The following LGI2 variants were observed in gnomAD, a reference collection of about 807,000 sequenced individuals.
LGI2 encodes the protein leucine-rich repeat LGI family member 2.
In LGI2, 30 loss-of-function variants were observed where a neutral mutation model predicts 52.0. That is an observed-to-expected ratio of 0.58 (90% CI 0.43 to 0.78). The LOEUF (loss-of-function observed/expected upper bound fraction) is 0.78, where lower values mean the gene tolerates loss of function less well. Among genes scored for constraint, LGI2 ranks in the 30% least tolerant of loss-of-function variants. The pLI is 0.00. For synonymous variants in LGI2, 270 were observed against 271.8 expected, an observed-to-expected ratio of 0.99 and a Z score of 0.06; for missense variants, 573 against 692.5, an observed-to-expected ratio of 0.83 and a Z score of 1.94.
At position 25,001,936 on chromosome 4, in the gene LGI2, A is replaced by T. The variant is rs1725253042; in HGVS notation, c.*1515T>A. On this transcript the variant is annotated 3_prime_UTR_variant, in exon 8 of 8. Transcript: ENST00000382114. ...TGATCGTGCTACTTTCATGGCTAGG[A>T]ATGAAGTTGTTGGGTTTCTCTTTCA... 1 of 152,240 alleles carries T rather than the reference A, an allele frequency of 6.6e-6. No homozygotes were observed. Among genetic ancestry groups the T allele is most frequent in the African/African-American group, 2.4e-5 (1 of 41,462 alleles). 9.4% of individuals were successfully genotyped at this position (152,240 alleles called of 1,614,324 possible).
At position 25,019,154 on chromosome 4, in the gene LGI2, T is replaced by G; in HGVS notation, c.485+13A>C. On this transcript the variant is annotated intron_variant, in intron 5 of 7. Transcript: ENST00000382114. ...CAATGACAAACACACATAAACTAAA[T>G]TTCATTACTTACAGTTCAATCAGAG... 6.5e-7 allele frequency: 1 copy of G among 1,535,844 alleles called. No homozygotes were observed. The highest frequency in any genetic ancestry group is 9.0e-7 in the Non-Finnish European group (1 of 1,110,862).
chr4:25,020,571 T>A (rs1200727859), intron 4 of LGI2, among the ~76,000 whole-genome samples: 1 of 152,230 alleles, frequency 6.6e-6, no homozygotes, highest in Non-Finnish European at 1.5e-5. Flanking sequence ...ACGACTAACA[T>A]GTAAGCAATT....
At position 25,030,909 on chromosome 4, in the gene LGI2, G is replaced by A. The variant is rs1726326025; in HGVS notation, c.-216C>T. 6.2e-6 allele frequency: 1 copy of A among 162,540 alleles called. No homozygotes were observed. The highest frequency in any genetic ancestry group is 6.5e-5 in the Admixed American group (1 of 15,338). The allele number at this position is 162,540 out of a possible 1,614,324, so 10.1% of individuals were successfully genotyped here. On this transcript the variant is annotated 5_prime_UTR_variant, in exon 1 of 8. Transcript: ENST00000382114. ...CCCCCCCACCCGAGCCCGGGCTGCT[G>A]GGCGGCCGCCGCCGCTGCGCCCGCC... is the stretch of plus-strand genomic sequence containing the variant.
At chr4:25,024,451 C>T (rs576117480) in intron 4 of LGI2, among the ~76,000 whole-genome samples, 1 of 152,032 alleles carries the variant, frequency 6.6e-6, no homozygotes, top group Non-Finnish European at 1.5e-5. Context: ...GAGGCGGAGG[C>T]TGCAGTGAGC....
chr4:25,025,049 G>A (rs1437947197), intron 3 of LGI2, among the ~76,000 whole-genome samples, 158 bp from the exon 4 acceptor site: 3 of 152,224 alleles, frequency 2.0e-5, no homozygotes, highest in African/African-American at 7.2e-5. Flanking sequence ...CCATGTGGTA[G>A]CAGGATGTAT....
chr4:25,018,018 G>A lies in LGI2; in HGVS notation c.626C>T (p.Thr209Ile). The change falls in exon 6 of 8, where the codon ACC becomes ATC. Residue 209 changes from threonine to isoleucine, a missense_variant. Thr to Ile is a moderately conservative substitution (Grantham distance 89). Transcript: ENST00000382114. Reference protein sequence around the residue: ...EYQEKKLNDVTSFDYECTTTD... With the variant: ...EYQEKKLNDVISFDYECTTTD... ...AGTTGTGCATTCATAGTCAAAGCTG[G>A]TCACGTCATTTAGCTTCTTTTCCTG... The A allele has an allele frequency of 6.2e-7, 1 of 1,612,516 alleles. No homozygotes were observed. Among genetic ancestry groups the A allele is most frequent in the Non-Finnish European group, 8.5e-7 (1 of 1,179,604 alleles).
At chr4:25,010,761 G>A (rs896443837) in intron 7 of LGI2, among the ~76,000 whole-genome samples, 21 of 152,282 alleles carry the variant, frequency 1.4e-4, no homozygotes, top group African/African-American at 4.1e-4. Context: ...ACAGGCTCAC[G>A]GCCAACATCG....
At chr4:25,011,711 T>A (rs1312857108) in intron 7 of LGI2, among the ~76,000 whole-genome samples, 1 of 152,018 alleles carries the variant, frequency 6.6e-6, no homozygotes, top group Non-Finnish European at 1.5e-5. Context: ...AAATGAGGAG[T>A]CTTTCAAAGG....
chr4:25,018,268 A>C, intron 5 of LGI2, 110 bp from the exon 6 acceptor site: 1 of 723,786 alleles, frequency 1.4e-6, no homozygotes, highest in Non-Finnish European at 2.1e-6. Flanking sequence ...TATATTTAAA[A>C]CCCCCTAAAA....
rs533520973 is a variant in LGI2 at position 25,026,579 on chromosome 4, C to T, written c.341+289G>A. On this transcript the variant is annotated intron_variant, in intron 3 of 7. Transcript: ENST00000382114. The stretch of plus-strand genomic sequence containing the variant: ...ATTTATGAGAGGTAAAAATATCCAA[C>T]GCAACTTCCAATTGTGCTTACTACA... Among the ~76,000 whole-genome samples, 221 of 152,242 alleles carry T rather than the reference C, an allele frequency of 1.5e-3. 1 individual carries two copies. The highest frequency in any genetic ancestry group is 3.9e-3 in the East Asian group (20 of 5,170).
intron 6 of LGI2, among the ~76,000 whole-genome samples, chr4:25,015,887 C>T (rs1046236080): frequency 6.6e-6 from 1 of 152,148 alleles, no homozygotes; most frequent in Non-Finnish European, 1.5e-5. Context: ...ATGGAAGAAA[C>T]TGTCAGCAAG....
intron 7 of LGI2, among the ~76,000 whole-genome samples, chr4:25,005,661 G>T (rs1248493719): frequency 6.6e-6 from 1 of 152,022 alleles, no homozygotes; most frequent in Admixed American, 6.6e-5. Flanking sequence ...GTTGCGGGGG[G>T]TAAGGGATGA....
intron 2 of LGI2, among the ~76,000 whole-genome samples, chr4:25,028,238 A>G (rs983670335): frequency 6.6e-6 from 1 of 152,232 alleles, no homozygotes; most frequent in African/African-American, 2.4e-5. Context: ...GAGTCAATGC[A>G]ATTACCTCCC....
intron 1 of LGI2, 42 bp downstream of exon 1, chr4:25,030,455 G>T (rs747540590): frequency 1.9e-6 from 3 of 1,551,872 alleles, no homozygotes; most frequent in South Asian, 2.4e-5. Flanking sequence ...GCGGACGCAG[G>T]GTGGGGCGGG....
rs1325956430 is a variant in LGI2, at chr4:25,015,788, G to A, written c.655+2201C>T. ...GATCTGAACAGAAGACATGAACCCCGAACACTCAAAATTTGTTGACCTAGT... is the reference window on the plus strand; with the variant it reads ...GATCTGAACAGAAGACATGAACCCCAAACACTCAAAATTTGTTGACCTAGT... On this transcript the variant is annotated intron_variant, in intron 6 of 7. Coordinates refer to ENST00000382114, the MANE Select transcript of LGI2 (RefSeq NM_018176.4). Among the ~76,000 whole-genome samples, 4 of 148,866 alleles carry A rather than the reference G, an allele frequency of 2.7e-5. No homozygotes were observed. In the South Asian group the frequency reaches 6.8e-4, roughly 25 times the overall value.
chr4:25,022,056 C>A (rs1215480506), intron 4 of LGI2, among the ~76,000 whole-genome samples: 1 of 152,084 alleles, frequency 6.6e-6, no homozygotes, highest in Non-Finnish European at 1.5e-5. Flanking sequence ...GCTGGCTTAG[C>A]CCTGTGCTAG....
At chr4:25,014,762 CTGAGGTTGCAG>C (rs1273811487) in intron 6 of LGI2, among the ~76,000 whole-genome samples, 1 of 141,258 alleles carries the variant, frequency 7.1e-6, no homozygotes, top group African/African-American at 2.6e-5. Flanking sequence ...GCCCAGGAGT[CTGAGGTTGCAG>C]TGAGCTATGA....
chr4:24,997,715 C>T (rs1046868323), downstream of LGI2, among the ~76,000 whole-genome samples: 5 of 152,172 alleles, frequency 3.3e-5, no homozygotes, highest in African/African-American at 1.2e-4. Flanking sequence ...AAGGTGACTT[C>T]TTGCACCCCT....
chr4:25,027,577 A>C (rs1326089449), intron 2 of LGI2, among the ~76,000 whole-genome samples: 1 of 152,200 alleles, frequency 6.6e-6, no homozygotes, highest in Non-Finnish European at 1.5e-5. Context: ...TAAAATGTTA[A>C]GTGTAATGTT....
Sources: allele counts gnomAD v4.1 joint callset (sites outside exome capture counted in the v4.1 genomes callset), GRCh38; gene constraint gnomAD v4.1.1; transcripts MANE v1.5; gene names NCBI Gene and HGNC (gene_info 2026-07-23, HGNC 2026-07-21).